Variants in TARS3 observed in about 807,000 individuals in gnomAD.
TARS3 encodes the protein threonine--tRNA ligase 2, cytoplasmic.
Under a neutral mutation model 103.5 loss-of-function variants are expected in TARS3, and 94 were observed. The ratio of observed to expected loss-of-function variants is 0.91; its 90% CI spans 0.77 to 1.08. TARS3 has a LOEUF of 1.08. TARS3 is among the 50% of genes least tolerant of loss of function. The pLI is 0.00. For missense variants in TARS3, 952 were observed against 995.2 expected (o/e 0.96, Z 0.58); for synonymous variants, 416 against 355.4 (o/e 1.17, Z -1.92).
intron 5 of TARS3, among the ~76,000 whole-genome samples, chr15:101,711,118 G>A (rs537569405): frequency 2.6e-5 from 4 of 152,192 alleles, no homozygotes; most frequent in East Asian, 3.9e-4. Flanking sequence ...TGATTATCAC[G>A]GAGCGAATTA....
chr15:101,721,162 C>T lies in TARS3; in HGVS notation c.530G>A (p.Trp177Ter), dbSNP rs1480154561. The T allele has an allele frequency of 5.0e-6, 8 of 1,603,602 alleles. No homozygotes were observed. Among genetic ancestry groups the T allele is most frequent in the Non-Finnish European group, 6.8e-6 (8 of 1,171,568 alleles). The change falls in exon 3 of 19, where the codon TGG (tryptophan) becomes TAG (stop). Residue 177 changes from tryptophan to a stop codon, truncating the protein, a stop_gained. Coordinates refer to ENST00000335968, the MANE Select transcript of TARS3 (RefSeq NM_152334.3). LOFTEE classifies it high-confidence loss of function. The part of the protein sequence containing the change: ...ADGQTVQGEV[W>*]KTTPYQVAAE... Reference sequence around the variant, plus strand: ...AGCCACTTGGTAAGGCGTTGTTTTCCAGACTTCCCCTTGCACTGTTTGCCC... The same window carrying T: ...AGCCACTTGGTAAGGCGTTGTTTTCTAGACTTCCCCTTGCACTGTTTGCCC...
At chr15:101,688,388 C>A (rs1898565372) in intron 10 of TARS3, among the ~76,000 whole-genome samples, 1 of 152,120 alleles carries the variant, frequency 6.6e-6, no homozygotes, top group African/African-American at 2.4e-5. Flanking sequence ...AGTGACTGAG[C>A]AGTTCACAGC....
chr15:101,723,264 G>C, intron 1 of TARS3, 100 bp from the exon 2 acceptor site: 2 of 1,047,904 alleles, frequency 1.9e-6, no homozygotes, highest in East Asian at 2.4e-5. Flanking sequence ...CCCGTGTTTA[G>C]AGGCTCATAG....
chr15:101,665,715 G>A (rs1897553997), intron 15 of TARS3, among the ~76,000 whole-genome samples: 1 of 152,168 alleles, frequency 6.6e-6, no homozygotes, highest in African/African-American at 2.4e-5. Context: ...ATCAGCTTGA[G>A]TTTAAGACGG....
chr15:101,711,669 T>C (rs1377689729), intron 5 of TARS3, among the ~76,000 whole-genome samples: 1 of 152,256 alleles, frequency 6.6e-6, no homozygotes, highest in Non-Finnish European at 1.5e-5. Context: ...TGTTTATGTT[T>C]TCATTAAGGC....
At chr15:101,699,151 C>T (rs1269630838) in intron 10 of TARS3, among the ~76,000 whole-genome samples, 1 of 152,118 alleles carries the variant, frequency 6.6e-6, no homozygotes, top group East Asian at 1.9e-4. Context: ...GGAAGTGACA[C>T]AACCATAATA....
rs1238510845 is a variant in TARS3, at chr15:101,714,952, G to T, written c.578C>A (p.Ala193Asp). Residue 193 changes from alanine (A) to aspartate (D), a missense_variant, in exon 4 of 19, where the codon GCT becomes GAT. Around this residue, in one of 2 missense-constraint regions of TARS3, gnomAD observed 412 missense variants for 364.2 expected, o/e 1.13. Coordinates refer to ENST00000335968, the MANE Select transcript of TARS3 (RefSeq NM_152334.3). ...QVAAEISQEL[A>D]ESTVIAKVNG... is the part of the protein sequence containing the mutation. ...GACTTTGGCTATTACCGTGCTTTCA[G>T]CCAGTTCCTGACTAAGAAGACAAAA... 1.2e-6 allele frequency: 2 copies of T among 1,609,118 alleles called. No homozygotes were observed. The highest frequency in any genetic ancestry group is 8.5e-7 in the Non-Finnish European group (1 of 1,177,322).
At chr15:101,720,370 C>T (rs1228471614) in intron 3 of TARS3, among the ~76,000 whole-genome samples, 2 of 152,110 alleles carry the variant, frequency 1.3e-5, no homozygotes, top group Middle Eastern at 3.2e-3. Flanking sequence ...ACTAATGTAT[C>T]TAATTTCTAG....
intron 3 of TARS3, among the ~76,000 whole-genome samples, chr15:101,717,473 CCTT>C (rs1900211088): frequency 6.6e-6 from 1 of 151,782 alleles, no homozygotes; most frequent in South Asian, 2.1e-4. Flanking sequence ...CCGATTCTGC[CCTT>C]CTTCTCCAGA....
Position 101,708,743 on chromosome 15 carries a change from A to G in TARS3, c.930+50T>C, listed in dbSNP as rs545900381. 40 of 1,232,536 alleles carry G rather than the reference A, an allele frequency of 3.2e-5. No homozygotes were observed. In the South Asian group the frequency reaches 3.9e-4, roughly 12 times the overall value. The allele number at this position is 1,232,536 out of a possible 1,614,324, so 76.3% of individuals were successfully genotyped here. ...GGGGAAGGTGGGGAAGCTAGTCTAT[A>G]TTGATTTTTAATATTCCTAGTAAGA... is the stretch of plus-strand genomic sequence containing the variant. On this transcript the variant is annotated intron_variant, in intron 6 of 18. Coordinates refer to ENST00000335968, the MANE Select transcript of TARS3 (RefSeq NM_152334.3).
In TARS3 at chr15:101,676,828, G is replaced by T. The variant is rs574857166; in HGVS notation, c.1651-1091C>A. 3.0e-4 allele frequency among the ~76,000 whole-genome samples: 45 copies of T among 150,742 alleles called. 1 individual carries two copies. Among genetic ancestry groups the T allele is most frequent in the African/African-American group, 1.1e-3 (45 of 41,014 alleles). On this transcript the variant is annotated intron_variant, in intron 12 of 18. Coordinates refer to ENST00000335968, the MANE Select transcript of TARS3 (RefSeq NM_152334.3). ...TTTTTTTTTTTTTTTTAAGTTCCTG[G>T]GTGCACGTGCAGGATGTGTAGTTTG...
Position 101,684,141 on chromosome 15 carries a change from G to GA in TARS3, c.1583dup (p.Ser529GlnfsTer24). On this transcript the variant is annotated frameshift_variant, in exon 12 of 19. Coordinates refer to ENST00000335968, the MANE Select transcript of TARS3 (RefSeq NM_152334.3). LOFTEE classifies it high-confidence loss of function. ...AGCGCCTCACTCTGGTCAAGCCGCT[G>GA]AGAGTCCCCGACAGTTCATTTCTAT... The GA allele has an allele frequency of 1.2e-6, 2 of 1,614,020 alleles. No individual in the cohort carries two copies. Among genetic ancestry groups the GA allele is most frequent in the Non-Finnish European group, 1.7e-6 (2 of 1,179,968 alleles).
chr15:101,655,056 C>G (rs1897148466), intron 18 of TARS3, among the ~76,000 whole-genome samples: 1 of 148,306 alleles, frequency 6.7e-6, no homozygotes, highest in African/African-American at 2.5e-5. Flanking sequence ...CACAGTGACC[C>G]CACCTGGCAC....
Position 101,654,606 on chromosome 15 carries a change from T to C in TARS3, c.2385A>G (p.Thr795=). ...DKLKNLRKTR[T]LNAEEAF The stretch of plus-strand genomic sequence containing the variant: ...TTCAAAAGGCCTCCTCAGCATTGAG[T>C]GTCCGTGTCTTCCTGAGATTCTTCA... The change falls in exon 19 of 19, where the codon ACA becomes ACG. Residue 795 remains threonine, a synonymous_variant. Transcript: ENST00000335968. 1 of 1,614,020 alleles carries C rather than the reference T, an allele frequency of 6.2e-7. No individual in the cohort carries two copies. The highest frequency in any genetic ancestry group is 8.5e-7 in the Non-Finnish European group (1 of 1,180,002).
chr15:101,654,564 A>T lies in TARS3; in HGVS notation c.*18T>A, dbSNP rs760015478. The T allele has an allele frequency of 1.2e-6, 2 of 1,602,926 alleles. No individual in the cohort carries two copies. The highest frequency in any genetic ancestry group is 1.7e-6 in the Non-Finnish European group (2 of 1,177,116). ...GGTCAAAACAAAGTTACACAGAAGC[A>T]AATATCAGGGAAGGACTTCAAAAGG... On this transcript the variant is annotated 3_prime_UTR_variant, in exon 19 of 19. Coordinates refer to ENST00000335968, the MANE Select transcript of TARS3 (RefSeq NM_152334.3).
intron 10 of TARS3, among the ~76,000 whole-genome samples, chr15:101,698,575 C>T (rs1899097486): frequency 6.6e-6 from 1 of 152,120 alleles, no homozygotes; most frequent in African/African-American, 2.4e-5. Flanking sequence ...TCCTACTCTA[C>T]CCCACTCCTT....
At chr15:101,699,443 A>G in intron 10 of TARS3, 1 of 456,008 alleles carries the variant, frequency 2.2e-6, no homozygotes, top group Non-Finnish European at 4.4e-6. Flanking sequence ...CATCTATAAA[A>G]AATAAGAGAT....
In TARS3 at chr15:101,675,697, G is replaced by A; in HGVS notation, c.1691C>T (p.Ser564Phe). ...EIKGCLQFLQ[S>F]VYSTFGFSFQ... is the part of the protein sequence containing the mutation. ...GGAGAAGCCAAATGTTGAGTAAACA[G>A]ATTGCAAAAACTGCAAACACCCCTT... The change falls in exon 13 of 19, where the codon TCT (serine) becomes TTT (phenylalanine). Residue 564 changes from serine (S) to phenylalanine (F), a missense_variant. Ser to Phe is a radical substitution (Grantham distance 155). Around this residue, in one of 2 missense-constraint regions of TARS3, gnomAD observed 540 missense variants for 631.0 expected, o/e 0.86. Coordinates refer to ENST00000335968, the MANE Select transcript of TARS3 (RefSeq NM_152334.3). 6.2e-7 allele frequency: 1 copy of A among 1,613,824 alleles called. No homozygotes were observed. Among genetic ancestry groups the A allele is most frequent in the South Asian group, 1.1e-5 (1 of 90,924 alleles).
chr15:101,685,951 AG>A lies in TARS3; in HGVS notation c.1431del (p.Phe478LeufsTer13). ...GCAAAAGTGTCCTTTTCAATCTCAA[AG>A]GTAAACATGTTCTCGCTGTAATGCT... ...HWQHYSENMF[T>X]FEIEKDTFAL... is the part of the protein sequence containing the mutation. On this transcript the variant is annotated frameshift_variant, in exon 11 of 19. Transcript: ENST00000335968. LOFTEE classifies it high-confidence loss of function. 2 of 1,614,036 alleles carry A rather than the reference AG, an allele frequency of 1.2e-6. No individual in the cohort carries two copies. The highest frequency in any genetic ancestry group is 1.7e-6 in the Non-Finnish European group (2 of 1,179,906).
Sources: gnomAD v4.1 joint callset for allele counts (sites outside exome capture counted in the v4.1 genomes callset) on GRCh38, gnomAD v4.1.1 for gene constraint, gnomAD v4.1.1 regional missense constraint, MANE v1.5 for transcripts, NCBI Gene and HGNC (gene_info 2026-07-23, HGNC 2026-07-21) for gene names.